The following TMEM131 variants were observed in gnomAD, a reference collection of about 807,000 sequenced individuals.
The protein encoded by TMEM131 is 2610524E03Rik.
In TMEM131, 66 loss-of-function variants were observed where a neutral mutation model predicts 211.6. The ratio of observed to expected loss-of-function variants is 0.31; its 90% confidence interval spans 0.26 to 0.38. The LOEUF is 0.38. Ranked by LOEUF, TMEM131 falls within the 10% of genes least tolerant of loss-of-function variation. The pLI, the probability that TMEM131 is intolerant of heterozygous loss-of-function variation, is 1.00. For missense variants in TMEM131, 2,036 were observed against 2,299.3 expected, an observed-to-expected ratio of 0.89 and a Z score of 2.34; for synonymous variants, 844 against 841.3, an observed-to-expected ratio of 1.00 and a Z score of -0.06.
At chr2:97,950,304 A>T (rs1187651322) in intron 1 of TMEM131, among the ~76,000 whole-genome samples, 1 of 152,234 alleles carries the variant, frequency 6.6e-6, no homozygotes, top group Non-Finnish European at 1.5e-5. Context: ...ACATACATAT[A>T]TAAAGATTTA....
chr2:97,875,381 A>T (rs547233267), intron 4 of TMEM131, among the ~76,000 whole-genome samples: 1 of 152,194 alleles, frequency 6.6e-6, no homozygotes, highest in Non-Finnish European at 1.5e-5. Context: ...ATAGACATCT[A>T]CAGAACTCTC....
At chr2:97,776,353 C>T (rs1679730617) in intron 31 of TMEM131, among the ~76,000 whole-genome samples, 1 of 152,154 alleles carries the variant, frequency 6.6e-6, no homozygotes, top group Non-Finnish European at 1.5e-5. Context: ...CCATGCCTGG[C>T]CAGAACTCCT....
At chr2:97,922,722 A>C (rs1676796784) in intron 2 of TMEM131, among the ~76,000 whole-genome samples, 1 of 152,194 alleles carries the variant, frequency 6.6e-6, no homozygotes, top group South Asian at 2.1e-4. Flanking sequence ...ATTATTATAA[A>C]ATTCTGGAAA....
chr2:97,762,124 C>T lies in TMEM131; in HGVS notation c.4800G>A (p.Pro1600=), dbSNP rs200815269. The T allele has an allele frequency of 1.1e-4, 177 of 1,613,206 alleles. No homozygotes were observed. Among genetic ancestry groups the T allele is most frequent in the South Asian group, 7.4e-4 (67 of 91,024 alleles). Residue 1600 remains proline (P), a synonymous_variant, in exon 36 of 41, where the codon CCG becomes CCA. Transcript: ENST00000186436. ...DIFLKQRQTS[P]TPASPSPPAA... ...CTGGGGGAGACGGGGAAGCAGGTGT[C>T]GGTGAGGTCTGGCGTTGTTTTAAGA...
At chr2:97,769,822 C>T (rs767795460) in intron 33 of TMEM131, among the ~76,000 whole-genome samples, 3 of 152,160 alleles carry the variant, frequency 2.0e-5, no homozygotes, top group Admixed American at 6.5e-5. Flanking sequence ...TACAGTTTTC[C>T]GGAGGTCTGC....
intron 2 of TMEM131, among the ~76,000 whole-genome samples, chr2:97,920,341 C>T (rs898242410): frequency 2.0e-5 from 3 of 152,190 alleles, no homozygotes; most frequent in East Asian, 3.9e-4. Flanking sequence ...CGTATCTAAC[C>T]GTGAAATATT....
chr2:97,786,467 T>C (rs1226431564), intron 31 of TMEM131, among the ~76,000 whole-genome samples: 2 of 152,168 alleles, frequency 1.3e-5, no homozygotes, highest in East Asian at 3.9e-4. Flanking sequence ...TCTGGGAGGC[T>C]GCACTGGGCT....
chr2:97,903,349 T>C (rs893998126), intron 3 of TMEM131, among the ~76,000 whole-genome samples: 2 of 152,170 alleles, frequency 1.3e-5, no homozygotes, highest in Non-Finnish European at 2.9e-5. Flanking sequence ...GTGACCTCAA[T>C]CTTAACTTCA....
chr2:97,890,385 T>C (rs1366337652), intron 3 of TMEM131, among the ~76,000 whole-genome samples: 2 of 152,070 alleles, frequency 1.3e-5, no homozygotes, highest in African/African-American at 4.8e-5. Flanking sequence ...CTGAATATAT[T>C]TGGAAGCTTG....
intron 1 of TMEM131, among the ~76,000 whole-genome samples, chr2:97,974,045 T>C (rs556939809): frequency 3.3e-5 from 5 of 152,234 alleles, no homozygotes; most frequent in African/African-American, 7.2e-5. Flanking sequence ...GAATAATCCA[T>C]TGAAACCAAC....
chr2:97,972,282 G>A (rs1679330749), intron 1 of TMEM131, among the ~76,000 whole-genome samples: 2 of 152,064 alleles, frequency 1.3e-5, no homozygotes, highest in South Asian at 4.1e-4. Context: ...TCAGCTGTGG[G>A]GAATAATCAG....
intron 1 of TMEM131, among the ~76,000 whole-genome samples, chr2:97,966,092 T>G (rs1205379535): frequency 1.3e-5 from 2 of 151,720 alleles, no homozygotes; most frequent in African/African-American, 2.4e-5. Context: ...TTGACAGGGG[T>G]ATATTTTTCC....
chr2:97,929,005 A>G (rs1047566106), intron 1 of TMEM131, among the ~76,000 whole-genome samples: 1 of 151,842 alleles, frequency 6.6e-6, no homozygotes, highest in African/African-American at 2.4e-5. Flanking sequence ...AAGAGCCTAA[A>G]GCAATGACAT....
chr2:97,760,756 G>A (rs747261212), intron 37 of TMEM131, 37 bp downstream of exon 37: 16 of 1,613,668 alleles, frequency 9.9e-6, no homozygotes, highest in African/African-American at 4.0e-5. Flanking sequence ...CAGGCCTGGC[G>A]CCTGGCGTGG....
At position 97,757,223 on chromosome 2, in the gene TMEM131, G is replaced by A; in HGVS notation, c.5528C>T (p.Pro1843Leu). Residue 1843 changes from proline to leucine, a missense_variant, in exon 41 of 41, where the codon CCC becomes CTC. Pro to Leu is a moderately conservative substitution (Grantham distance 98). Transcript: ENST00000186436. Reference sequence around the variant, plus strand: ...GTCGTCAGCTGGACTGGAGGTGGAGGGAGCGTGAGGAGCAGGGGAGTTTTC... The same window carrying A: ...GTCGTCAGCTGGACTGGAGGTGGAGAGAGCGTGAGGAGCAGGGGAGTTTTC... ...GTENSPAPHA[P>L]STSSPADDLG... 6.2e-7 allele frequency: 1 copy of A among 1,614,024 alleles called. No homozygotes were observed. Among genetic ancestry groups the A allele is most frequent in the Non-Finnish European group, 8.5e-7 (1 of 1,179,908 alleles).
chr2:97,988,861 G>A (rs1175254368), intron 1 of TMEM131, among the ~76,000 whole-genome samples: 1 of 152,174 alleles, frequency 6.6e-6, no homozygotes, highest in Non-Finnish European at 1.5e-5. Context: ...GTTGCTTAAG[G>A]AATTAAATAT....
At chr2:97,794,016 C>CAAAAA in intron 29 of TMEM131, among the ~76,000 whole-genome samples, 1 of 96,062 alleles carries the variant, frequency 1.0e-5, no homozygotes, top group South Asian at 3.7e-4. Flanking sequence ...AAAAAAAAAA[C>CAAAAA]AAAAAACCCA....
At chr2:97,831,705 T>G (rs1682700018) in intron 11 of TMEM131, among the ~76,000 whole-genome samples, 1 of 130,280 alleles carries the variant, frequency 7.7e-6, no homozygotes, top group African/African-American at 2.9e-5. Flanking sequence ...AGTCTCGGTC[T>G]GTTGCCCAGG....
intron 26 of TMEM131, 143 bp from the exon 27 acceptor site, chr2:97,797,129 A>C (rs1315415338): frequency 4.9e-6 from 5 of 1,026,810 alleles, no homozygotes; most frequent in Non-Finnish European, 6.9e-6. Flanking sequence ...ATTCAAAAAT[A>C]CACAGAGAAG....
Sources: allele counts gnomAD v4.1 joint callset (sites outside exome capture counted in the v4.1 genomes callset), GRCh38; gene constraint gnomAD v4.1.1; transcripts MANE v1.5; gene names NCBI Gene and HGNC (gene_info 2026-07-23, HGNC 2026-07-21).